The following DDX47 variants were observed in gnomAD, a reference collection of about 807,000 sequenced individuals.
DDX47 encodes probable ATP-dependent RNA helicase DDX47.
In DDX47, 60 loss-of-function variants were observed where a neutral mutation model predicts 58.8. The ratio of observed to expected loss-of-function variants is 1.02; its 90% CI spans 0.83 to 1.26. The LOEUF is 1.26. Ranked by LOEUF, DDX47 falls within the 50% of genes most tolerant of loss-of-function variation. The probability of loss-of-function intolerance (pLI) is 0.00; values close to 1 mark genes in which losing one functional copy is unlikely to be tolerated. For synonymous variants in DDX47, 197 were observed against 204.6 expected (o/e 0.96, Z 0.32); for missense variants, 530 against 573.2 (o/e 0.92, Z 0.77).
At position 12,829,693 on chromosome 12, in the gene DDX47, A is replaced by G. The variant is rs1310140095; in HGVS notation, c.*139A>G. 1.1e-5 allele frequency: 13 copies of G among 1,131,296 alleles called. No individual in the cohort carries two copies. The highest frequency in any genetic ancestry group is 1.6e-5 in the Non-Finnish European group (13 of 818,204). The allele number at this position is 1,131,296 out of a possible 1,614,324, so 70.1% of individuals were successfully genotyped here. ...CTCAGCTAATTCAGTATTCTTCCCCATTCTGGGTTGGAGTTTACTGCAGAG... is the reference window on the plus strand; with the variant it reads ...CTCAGCTAATTCAGTATTCTTCCCCGTTCTGGGTTGGAGTTTACTGCAGAG... On this transcript the variant is annotated 3_prime_UTR_variant, in exon 12 of 12. Coordinates refer to ENST00000358007, the MANE Select transcript of DDX47 (RefSeq NM_016355.4).
intron 2 of DDX47, among the ~76,000 whole-genome samples, chr12:12,817,255 G>A (rs1172466879): frequency 6.6e-6 from 1 of 152,228 alleles, no homozygotes; most frequent in East Asian, 1.9e-4. Flanking sequence ...TGGTAGTTAC[G>A]GATAATTATT....
At chr12:12,818,057 T>A (rs1592321537) in intron 2 of DDX47, among the ~76,000 whole-genome samples, 1 of 152,122 alleles carries the variant, frequency 6.6e-6, no homozygotes, top group East Asian at 1.9e-4. Context: ...CCCCAAGGAG[T>A]TGAGGAATAA....
intron 2 of DDX47, among the ~76,000 whole-genome samples, chr12:12,817,850 T>G (rs948514840): frequency 6.6e-6 from 1 of 152,212 alleles, no homozygotes; most frequent in African/African-American, 2.4e-5. Flanking sequence ...AGTGCAGGCC[T>G]CAGCTGTAGG....
At chr12:12,817,674 A>G (rs1333899367) in intron 2 of DDX47, among the ~76,000 whole-genome samples, 1 of 152,244 alleles carries the variant, frequency 6.6e-6, no homozygotes, top group East Asian at 1.9e-4. Context: ...GACAAAATCT[A>G]TTCTGCTCTT....
intron 1 of DDX47, among the ~76,000 whole-genome samples, chr12:12,813,781 G>C (rs1038536200): frequency 2.0e-5 from 3 of 152,200 alleles, no homozygotes; most frequent in Non-Finnish European, 2.9e-5. Context: ...AACCAGATTT[G>C]AATTTTGACA....
intron 2 of DDX47, among the ~76,000 whole-genome samples, chr12:12,815,936 T>A (rs990185398): frequency 2.0e-5 from 3 of 152,108 alleles, no homozygotes; most frequent in Admixed American, 6.5e-5. Flanking sequence ...AATTAGTAGG[T>A]CTTTGTAATG....
intron 3 of DDX47, 55 bp downstream of exon 3, chr12:12,821,451 T>C: frequency 5.0e-6 from 8 of 1,592,674 alleles, no homozygotes; most frequent in Non-Finnish European, 6.9e-6. Context: ...GAAGAATGAG[T>C]GTGGAGGAAG....
chr12:12,826,058 C>G lies in DDX47; in HGVS notation c.1094C>G (p.Thr365Ser). The stretch of plus-strand genomic sequence containing the variant: ...GCTGGGCGCTCCGGAAAGGCTATTA[C>G]TTTTGTCACACAGTAAGTAAATCAG... ...ARAGRSGKAI[T>S]FVTQYDVELF... The change falls in exon 10 of 12, where the codon ACT becomes AGT. Residue 365 changes from threonine (T) to serine (S), a missense_variant. Transcript: ENST00000358007. 1.2e-6 allele frequency: 2 copies of G among 1,613,662 alleles called. No individual in the cohort carries two copies. The highest frequency in any genetic ancestry group is 1.7e-6 in the Non-Finnish European group (2 of 1,179,792).
At chr12:12,817,397 A>G (rs1862912010) in intron 2 of DDX47, among the ~76,000 whole-genome samples, 1 of 152,174 alleles carries the variant, frequency 6.6e-6, no homozygotes, top group South Asian at 2.1e-4. Flanking sequence ...GACCTGCATC[A>G]AAGTTTGTTA....
At position 12,829,572 on chromosome 12, in the gene DDX47, C is replaced by G. The variant is rs371151307; in HGVS notation, c.*18C>G. 3.7e-6 allele frequency: 6 copies of G among 1,610,696 alleles called. No individual in the cohort carries two copies. In the East Asian group the frequency reaches 1.3e-4, roughly 36 times the overall value. ...GCCGTTAATCACTTTTATGAAGGCT[C>G]GAGTTCTGCTGTTCTGTAAAAGAGA... On this transcript the variant is annotated 3_prime_UTR_variant, in exon 12 of 12. Coordinates refer to ENST00000358007, the MANE Select transcript of DDX47 (RefSeq NM_016355.4).
intron 1 of DDX47, among the ~76,000 whole-genome samples, chr12:12,813,688 G>A (rs577760233): frequency 9.2e-5 from 14 of 152,302 alleles, no homozygotes; most frequent in African/African-American, 3.4e-4. Flanking sequence ...GTGTGGCAAC[G>A]TTTGTATGTG....
At chr12:12,818,303 C>T (rs1213487793) in intron 2 of DDX47, among the ~76,000 whole-genome samples, 6 of 152,130 alleles carry the variant, frequency 3.9e-5, no homozygotes, top group South Asian at 2.1e-4. Flanking sequence ...GGGTGGATCA[C>T]GAGGTCAGGA....
chr12:12,821,944 C>A, intron 4 of DDX47, 21 bp from the exon 5 acceptor site: 2 of 1,497,078 alleles, frequency 1.3e-6, no homozygotes, highest in Non-Finnish European at 1.9e-6. Context: ...GTCACTGTTT[C>A]TCCTCAACCT....
At position 12,818,041 on chromosome 12, in the gene DDX47, C is replaced by T. The variant is rs114838350; in HGVS notation, c.182-3167C>T. Among the ~76,000 whole-genome samples the T allele has an allele frequency of 2.5e-3, 384 of 152,324 alleles. 3 individuals carry two copies. The highest frequency in any genetic ancestry group is 8.0e-3 in the African/African-American group (331 of 41,562). On this transcript the variant is annotated intron_variant, in intron 2 of 11. Transcript: ENST00000358007. The stretch of plus-strand genomic sequence containing the variant: ...TATTGTGTTACACAGGCTGGGACGG[C>T]AGTATCCCCAAGGAGTTGAGGAATA...
chr12:12,828,052 A>C (rs1055475126), intron 11 of DDX47, among the ~76,000 whole-genome samples: 2 of 151,666 alleles, frequency 1.3e-5, no homozygotes, highest in African/African-American at 4.8e-5. Flanking sequence ...TTTAGTAGAG[A>C]TGGGGTTTCT....
chr12:12,821,963 A>G lies in DDX47; in HGVS notation c.443-2A>G, dbSNP rs768985701. 43 of 1,598,486 alleles carry G rather than the reference A, an allele frequency of 2.7e-5. No homozygotes were observed. Among genetic ancestry groups the G allele is most frequent in the Non-Finnish European group, 3.7e-5 (43 of 1,167,026 alleles). ...CTGTTTCTCCTCAACCTTTCTTGGT[A>G]GCAACTCCTGGTCGACTGATTGACC... On this transcript the variant is annotated splice_acceptor_variant, in intron 4 of 11. Transcript: ENST00000358007. LOFTEE classifies it high-confidence loss of function.
At chr12:12,819,495 A>G (rs1862939713) in intron 2 of DDX47, among the ~76,000 whole-genome samples, 1 of 152,150 alleles carries the variant, frequency 6.6e-6, no homozygotes, top group Non-Finnish European at 1.5e-5. Flanking sequence ...TACCAGTGGT[A>G]GGATACTCAT....
At chr12:12,820,051 C>G (rs1461343567) in intron 2 of DDX47, among the ~76,000 whole-genome samples, 2 of 152,162 alleles carry the variant, frequency 1.3e-5, no homozygotes, top group African/African-American at 4.8e-5. Flanking sequence ...ACAGTCAGAA[C>G]AGGGGCAGCA....
At chr12:12,818,509 A>G (rs1484587118) in intron 2 of DDX47, among the ~76,000 whole-genome samples, 1 of 151,628 alleles carries the variant, frequency 6.6e-6, no homozygotes, top group Non-Finnish European at 1.5e-5. Flanking sequence ...TGACAGAGCA[A>G]GACTCTGTCT....
Sources: allele counts gnomAD v4.1 joint callset (sites outside exome capture counted in the v4.1 genomes callset), GRCh38; gene constraint gnomAD v4.1.1; transcripts MANE v1.5; gene names NCBI Gene and HGNC (gene_info 2026-07-23, HGNC 2026-07-21).